LDLRAD4: variants seen among roughly 807,000 people sequenced by gnomAD.
LDLRAD4 encodes low-density lipoprotein receptor class A domain-containing protein 4.
LDLRAD4 carries 5 observed loss-of-function variants against 17.0 expected under a neutral mutation model. The observed-to-expected ratio is 0.29, with a 90% confidence interval of 0.15 to 0.62. The LOEUF is 0.62. LDLRAD4 is among the 20% of genes least tolerant of loss of function. LDLRAD4 has a pLI of 0.84. For missense variants in LDLRAD4, 340 were observed against 424.7 expected (o/e 0.80, Z 1.75); for synonymous variants, 168 against 171.8 (o/e 0.98, Z 0.17).
intron 1 of LDLRAD4, among the ~76,000 whole-genome samples, chr18:13,383,472 G>C (rs1568078628): frequency 6.6e-6 from 1 of 152,230 alleles, no homozygotes; most frequent in Non-Finnish European, 1.5e-5. Context: ...TCTCCAGGGA[G>C]GGTTGTTTGG....
chr18:13,450,552 T>C (rs974698397), intron 3 of LDLRAD4, among the ~76,000 whole-genome samples: 1 of 152,200 alleles, frequency 6.6e-6, no homozygotes, highest in Non-Finnish European at 1.5e-5. Context: ...ATTGAATGCG[T>C]GAGAGGCATG....
chr18:13,360,910 C>T (rs1182889636), intron 1 of LDLRAD4, among the ~76,000 whole-genome samples: 2 of 152,190 alleles, frequency 1.3e-5, no homozygotes, highest in Non-Finnish European at 2.9e-5. Context: ...TTTCTTTTTT[C>T]TCCAGAGGAG....
intron 4 of LDLRAD4, among the ~76,000 whole-genome samples, chr18:13,630,399 G>A (rs2041562262): frequency 1.3e-5 from 2 of 152,198 alleles, no homozygotes. Context: ...GGATGGTGGA[G>A]AGGCTGCATG....
intron 1 of LDLRAD4, among the ~76,000 whole-genome samples, chr18:13,385,197 C>T (rs1310785048): frequency 1.3e-5 from 2 of 152,204 alleles, no homozygotes; most frequent in African/African-American, 2.4e-5. Context: ...GAGGTGATAG[C>T]TCATTGTGGC....
intron 3 of LDLRAD4, among the ~76,000 whole-genome samples, chr18:13,552,680 C>G (rs1426202516): frequency 6.6e-6 from 1 of 152,190 alleles, no homozygotes; most frequent in Non-Finnish European, 1.5e-5. Context: ...TTCACTCTTT[C>G]TTCCGTGTTG....
chr18:13,223,668 C>T (rs1474218555), intron 1 of LDLRAD4, among the ~76,000 whole-genome samples: 1 of 152,198 alleles, frequency 6.6e-6, no homozygotes, highest in East Asian at 1.9e-4. Context: ...TGACCTCTAA[C>T]CAGGGCACGT....
chr18:13,473,982 G>A (rs1316694677), intron 3 of LDLRAD4, among the ~76,000 whole-genome samples: 1 of 152,092 alleles, frequency 6.6e-6, no homozygotes, highest in Non-Finnish European at 1.5e-5. Flanking sequence ...GTGGTTTCTT[G>A]TGAATGACTT....
At chr18:13,262,655 G>C (rs1237816353) in intron 1 of LDLRAD4, among the ~76,000 whole-genome samples, 2 of 86,594 alleles carry the variant, frequency 2.3e-5, no homozygotes, top group African/African-American at 6.5e-5. Flanking sequence ...CGTTGGGGCT[G>C]AGTCCCGTGC....
intron 1 of LDLRAD4, among the ~76,000 whole-genome samples, chr18:13,313,811 A>G (rs1297338275): frequency 7.3e-6 from 1 of 137,028 alleles, no homozygotes; most frequent in Non-Finnish European, 1.5e-5. Flanking sequence ...AAATCCAGCC[A>G]ACAGCCGTGT....
intron 2 of LDLRAD4, among the ~76,000 whole-genome samples, chr18:13,414,501 G>A (rs2088687071): frequency 6.6e-6 from 1 of 152,246 alleles, no homozygotes. Flanking sequence ...TTACAAAGAG[G>A]AGTCATGTTT....
intron 1 of LDLRAD4, among the ~76,000 whole-genome samples, chr18:13,236,695 G>T (rs1395258624): frequency 6.6e-6 from 1 of 151,986 alleles, no homozygotes; most frequent in Non-Finnish European, 1.5e-5. Context: ...CTCGGTCCGT[G>T]TTTCTCAGTC....
At chr18:13,485,107 G>A (rs558041669) in intron 3 of LDLRAD4, among the ~76,000 whole-genome samples, 1 of 152,280 alleles carries the variant, frequency 6.6e-6, no homozygotes, top group East Asian at 1.9e-4. Flanking sequence ...GCTAAGTATT[G>A]GGCATCCAGG....
In LDLRAD4 at chr18:13,236,265, C is replaced by T. The variant is rs1335320463; in HGVS notation, c.-467+17277C>T. Among the ~76,000 whole-genome samples the T allele has an allele frequency of 5.9e-5, 9 of 151,580 alleles. No homozygotes were observed. The East Asian group carries it at 1.7e-3, about 29-fold the overall frequency. On this transcript the variant is annotated intron_variant, in intron 1 of 5. Transcript: ENST00000399848. ...CAGAGAAGCACTGTTCCATCTTTTC[C>T]CCCTGGAACCATCATTTTGCTTTGA... is the stretch of plus-strand genomic sequence containing the variant.
At chr18:13,339,639 T>C (rs938742843) in intron 1 of LDLRAD4, among the ~76,000 whole-genome samples, 2 of 152,122 alleles carry the variant, frequency 1.3e-5, no homozygotes, top group East Asian at 3.9e-4. Context: ...AAATAAAACT[T>C]TTTTTTATTA....
chr18:13,613,518 G>T (rs1226242899), intron 3 of LDLRAD4: 1 of 152,182 alleles, frequency 6.6e-6, no homozygotes. Flanking sequence ...CTTTTAAAAG[G>T]TTTATAATTG....
chr18:13,262,267 C>T, intron 1 of LDLRAD4, among the ~76,000 whole-genome samples: 1 of 146,768 alleles, frequency 6.8e-6, no homozygotes, highest in South Asian at 2.1e-4. Flanking sequence ...GAAACTGAGT[C>T]CCGTGTGGCC....
intron 1 of LDLRAD4, among the ~76,000 whole-genome samples, chr18:13,291,368 T>C (rs1339230669): frequency 1.3e-5 from 2 of 152,226 alleles, no homozygotes; most frequent in African/African-American, 4.8e-5. Flanking sequence ...ATTCAATACA[T>C]AGTTATTGAG....
At chr18:13,648,867 T>G (rs1461017450) in exon 6 of LDLRAD4, 2 of 152,144 alleles carry the variant, frequency 1.3e-5, no homozygotes, top group Non-Finnish European at 2.9e-5. Flanking sequence ...CCAGCATACG[T>G]TTGCTTTTTC....
intron 1 of LDLRAD4, among the ~76,000 whole-genome samples, chr18:13,382,049 G>A (rs908247202): frequency 3.9e-5 from 6 of 152,218 alleles, no homozygotes; most frequent in Non-Finnish European, 7.3e-5. Flanking sequence ...TGGAGCAGTC[G>A]CCATGGCTGT....
Sources: allele counts gnomAD v4.1 joint callset (sites outside exome capture counted in the v4.1 genomes callset), GRCh38; gene constraint gnomAD v4.1.1; transcripts MANE v1.5; gene names NCBI Gene and HGNC (gene_info 2026-07-23, HGNC 2026-07-21).